The following LDLRAD3 variants were observed in gnomAD, a reference collection of about 807,000 sequenced individuals.
LDLRAD3 encodes low-density lipoprotein receptor class A domain-containing protein 3.
Under a neutral mutation model 29.4 loss-of-function variants are expected in LDLRAD3, and 20 were observed. The ratio of observed to expected loss-of-function variants is 0.68; its 90% CI spans 0.48 to 0.99. The LOEUF (loss-of-function observed/expected upper bound fraction) is 0.99, where lower values mean the gene tolerates loss of function less well. Ranked by LOEUF, LDLRAD3 falls within the 50% of genes least tolerant of loss-of-function variation. The pLI is 0.00. For synonymous variants in LDLRAD3, 157 were observed against 192.7 expected, an observed-to-expected ratio of 0.81 and a Z score of 1.53; for missense variants, 420 against 454.3, an observed-to-expected ratio of 0.92 and a Z score of 0.69.
intron 3 of LDLRAD3, among the ~76,000 whole-genome samples, chr11:36,091,985 G>T (rs1486295375): frequency 1.3e-5 from 2 of 152,188 alleles, no homozygotes; most frequent in African/African-American, 4.8e-5. Context: ...GCTGCAGAGG[G>T]TCTGGAAGAA....
chr11:36,022,305 G>T (rs1374652398), intron 1 of LDLRAD3, among the ~76,000 whole-genome samples: 1 of 152,078 alleles, frequency 6.6e-6, no homozygotes, highest in Non-Finnish European at 1.5e-5. Context: ...TTATATCATA[G>T]TAATTCTTTA....
At chr11:36,162,905 C>T (rs1391646820) in intron 4 of LDLRAD3, among the ~76,000 whole-genome samples, 2 of 152,192 alleles carry the variant, frequency 1.3e-5, no homozygotes, top group African/African-American at 4.8e-5. Flanking sequence ...ACAGGGTTGT[C>T]GTTATATCTG....
At chr11:36,106,400 A>G (rs1853529667) in intron 4 of LDLRAD3, among the ~76,000 whole-genome samples, 1 of 152,174 alleles carries the variant, frequency 6.6e-6, no homozygotes, top group African/African-American at 2.4e-5. Flanking sequence ...TCTAATGCCT[A>G]AGTTAGCTGG....
At chr11:36,157,184 T>A (rs900671619) in intron 4 of LDLRAD3, among the ~76,000 whole-genome samples, 1 of 152,074 alleles carries the variant, frequency 6.6e-6, no homozygotes, top group Admixed American at 6.6e-5. Context: ...GCTGATGGGG[T>A]CTCCAGATTG....
At chr11:35,996,075 A>G (rs1851750549) in intron 1 of LDLRAD3, among the ~76,000 whole-genome samples, 2 of 152,148 alleles carry the variant, frequency 1.3e-5, no homozygotes, top group South Asian at 4.1e-4. Context: ...TTTCCTTTGC[A>G]TTCATAATTT....
At chr11:36,058,275 C>T (rs1169682767) in intron 2 of LDLRAD3, among the ~76,000 whole-genome samples, 1 of 152,304 alleles carries the variant, frequency 6.6e-6, no homozygotes, top group East Asian at 1.9e-4. Context: ...AGGCACAACA[C>T]TGGAATCTCA....
At chr11:36,217,430 T>C (rs11033501) in intron 4 of LDLRAD3, among the ~76,000 whole-genome samples, 10,226 of 152,240 alleles carry the variant, frequency 0.067, 451 homozygotes, top group East Asian at 0.2. Flanking sequence ...ATGCTGGAAC[T>C]AGACTTCCTG....
chr11:35,995,107 A>G (rs1023687703), intron 1 of LDLRAD3, among the ~76,000 whole-genome samples: 1 of 152,228 alleles, frequency 6.6e-6, no homozygotes, highest in Non-Finnish European at 1.5e-5. Flanking sequence ...GAAATGGTGA[A>G]TCCTTTCCAG....
intron 1 of LDLRAD3, among the ~76,000 whole-genome samples, chr11:36,004,594 A>C (rs935960858): frequency 1.3e-5 from 2 of 152,168 alleles, no homozygotes; most frequent in Admixed American, 1.3e-4. Flanking sequence ...TGGGGTCTGA[A>C]TAATGGTGAC....
At chr11:36,203,800 C>A (rs1349743497) in intron 4 of LDLRAD3, among the ~76,000 whole-genome samples, 1 of 152,152 alleles carries the variant, frequency 6.6e-6, no homozygotes, top group Non-Finnish European at 1.5e-5. Flanking sequence ...GAAGGCTTCT[C>A]CACCCTTGCC....
intron 1 of LDLRAD3, among the ~76,000 whole-genome samples, chr11:35,988,430 C>T (rs1274457165): frequency 6.6e-6 from 1 of 152,056 alleles, no homozygotes; most frequent in Non-Finnish European, 1.5e-5. Flanking sequence ...TTGATTTTTG[C>T]TTTTCGAATT....
chr11:36,013,515 T>C (rs1851981567), intron 1 of LDLRAD3, among the ~76,000 whole-genome samples: 1 of 148,962 alleles, frequency 6.7e-6, no homozygotes, highest in African/African-American at 2.5e-5. Flanking sequence ...TGTCCATGTG[T>C]TCTCATTGTT....
At chr11:36,096,609 G>A (rs938641451) in intron 3 of LDLRAD3, among the ~76,000 whole-genome samples, 1 of 152,212 alleles carries the variant, frequency 6.6e-6, no homozygotes, top group Admixed American at 6.5e-5. Context: ...GTCAGACTGG[G>A]CACTGTACAT....
intron 4 of LDLRAD3, among the ~76,000 whole-genome samples, chr11:36,132,973 A>C (rs1037718243): frequency 1.4e-4 from 22 of 152,264 alleles, no homozygotes; most frequent in African/African-American, 5.3e-4. Context: ...AATGAGTTTT[A>C]TAGTGTTTTG....
intron 4 of LDLRAD3, among the ~76,000 whole-genome samples, chr11:36,172,948 G>A (rs965070211): frequency 1.7e-4 from 26 of 152,270 alleles, no homozygotes; most frequent in African/African-American, 6.0e-4. Context: ...CTGTGAATCT[G>A]TCCGTGCCTG....
intron 4 of LDLRAD3, among the ~76,000 whole-genome samples, chr11:36,171,072 T>G (rs1854592792): frequency 6.6e-6 from 1 of 152,158 alleles, no homozygotes; most frequent in African/African-American, 2.4e-5. Context: ...AGTGCTGGGA[T>G]TATAGGCGTG....
intron 4 of LDLRAD3, among the ~76,000 whole-genome samples, chr11:36,100,600 C>T (rs1853432097): frequency 6.6e-6 from 1 of 152,100 alleles, no homozygotes. Flanking sequence ...CCACCACGCC[C>T]AGCTAATTTT....
intron 4 of LDLRAD3, among the ~76,000 whole-genome samples, chr11:36,144,577 C>T (rs1486540255): frequency 4.7e-5 from 7 of 148,580 alleles, no homozygotes; most frequent in Non-Finnish European, 6.0e-5. Flanking sequence ...TCTGCCCGGC[C>T]GCCCCGTCTG....
chr11:36,012,673 A>G (rs1851970923), intron 1 of LDLRAD3, among the ~76,000 whole-genome samples: 1 of 152,224 alleles, frequency 6.6e-6, no homozygotes, highest in Admixed American at 6.5e-5. Context: ...ACAGAGCAGG[A>G]CGACACGAGA....
Sources: gnomAD v4.1 joint callset for allele counts (sites outside exome capture counted in the v4.1 genomes callset) on GRCh38, gnomAD v4.1.1 for gene constraint, MANE v1.5 for transcripts, NCBI Gene and HGNC (gene_info 2026-07-23, HGNC 2026-07-21) for gene names.